Variants in LRRC9 observed in about 807,000 individuals in gnomAD.
The protein encoded by LRRC9 is leucine-rich repeat-containing protein 9.
Under a neutral mutation model 63.2 loss-of-function variants are expected in LRRC9, and 122 were observed. The ratio of observed to expected loss-of-function variants is 1.93; its 90% confidence interval spans 1.67 to 2.24. The LOEUF is 2.24. Ranked by LOEUF, LRRC9 falls within the 30% of genes most tolerant of loss-of-function variation. LRRC9 has a pLI of 0.00. For synonymous variants in LRRC9, 366 were observed against 213.1 expected (o/e 1.72, Z -6.25); for missense variants, 1,071 against 627.7 (o/e 1.71, Z -7.55).
exon 31 of LRRC9, chr14:60,057,996 A>G: frequency 1.5e-6 from 1 of 656,154 alleles, no homozygotes; most frequent in Non-Finnish European, 2.8e-6. Flanking sequence ...TTGGGATCTG[A>G]CGTCACTTTA....
At chr14:60,020,136 A>G (rs181136839) in intron 26 of LRRC9, among the ~76,000 whole-genome samples, 6 of 151,968 alleles carry the variant, frequency 3.9e-5, no homozygotes, top group African/African-American at 1.2e-4. Flanking sequence ...GCACCTGGCA[A>G]CAACCACTGA....
intron 10 of LRRC9, among the ~76,000 whole-genome samples, chr14:59,963,857 C>G (rs1884582037): frequency 6.6e-6 from 1 of 152,048 alleles, no homozygotes; most frequent in Admixed American, 6.6e-5. Context: ...TTTATTAAAC[C>G]TTTATATAGG....
In LRRC9 at chr14:59,927,087, C is replaced by G. The variant is rs1889273622; in HGVS notation, c.-33-824C>G. Among the ~76,000 whole-genome samples, 1 of 152,042 alleles carries G rather than the reference C, an allele frequency of 6.6e-6. No homozygotes were observed. Among genetic ancestry groups the G allele is most frequent in the African/African-American group, 2.4e-5 (1 of 41,410 alleles). On this transcript the variant is annotated intron_variant, in intron 1 of 31. Transcript: ENST00000445360. The surrounding 1 kb of genome is among the most constrained non-coding windows in gnomAD (Gnocchi z 4.4). ...CATCTAAGGAAACTCATATTAACAA[C>G]TTAGTATATATCTTTCCATATTTTC...
Position 60,003,733 on chromosome 14 carries a change from GTCTGGAA to G in LRRC9, c.2780_2786del (p.Leu927ProfsTer10). On this transcript the variant is annotated frameshift_variant, in exon 21 of 32. Transcript: ENST00000445360. LOFTEE classifies it high-confidence loss of function. The surrounding 1 kb of genome is among the most constrained non-coding windows in gnomAD (Gnocchi z 4.2). ...AATAATAATCTCACTAAAATGGAGGGTCTGGAATCCTGTATTAACTTGGAAGAGCTCA... is the reference window on the plus strand; with the variant it reads ...AATAATAATCTCACTAAAATGGAGGGTCCTGTATTAACTTGGAAGAGCTCA... 1 of 692,776 alleles carries G rather than the reference GTCTGGAA, an allele frequency of 1.4e-6. No individual in the cohort carries two copies. The highest frequency in any genetic ancestry group is 2.6e-6 in the Non-Finnish European group (1 of 381,666). The allele number at this position is 692,776 out of a possible 1,614,324, so 42.9% of individuals were successfully genotyped here. A position where few individuals can be genotyped will look rare whatever the true frequency, so the allele number is the denominator to read the frequency against.
intron 7 of LRRC9, among the ~76,000 whole-genome samples, chr14:59,939,553 G>T (rs1881534105): frequency 6.6e-6 from 1 of 152,066 alleles, no homozygotes. Flanking sequence ...GATGAGCCAT[G>T]TGGATGGTTC....
chr14:60,001,324 T>C (rs184004061), intron 19 of LRRC9, among the ~76,000 whole-genome samples: 107 of 152,128 alleles, frequency 7.0e-4, no homozygotes, highest in Admixed American at 1.1e-3. Context: ...GTGTTTATAA[T>C]AGCAAAAACT....
exon 17 of LRRC9, chr14:59,985,201 T>G (rs1887331086): frequency 5.8e-6 from 4 of 684,290 alleles, no homozygotes; most frequent in Non-Finnish European, 1.1e-5. Flanking sequence ...TGAATTTACC[T>G]GTTTAGATGA....
chr14:60,022,903 T>C (rs1891224012), intron 27 of LRRC9, 33 bp downstream of exon 27: 1 of 511,362 alleles, frequency 2.0e-6, no homozygotes, highest in Non-Finnish European at 3.5e-6. Flanking sequence ...TATAAGTCTT[T>C]ATTTTTAAAA....
chr14:59,968,345 T>C (rs1237398844), intron 12 of LRRC9, among the ~76,000 whole-genome samples: 1 of 152,150 alleles, frequency 6.6e-6, no homozygotes, highest in East Asian at 1.9e-4. Context: ...GTTCTGGAAA[T>C]GGATGGTGGC....
rs539068432 is a variant in LRRC9, at chr14:60,017,949, T to C, written c.3318-422T>C. On this transcript the variant is annotated intron_variant, in intron 24 of 31. Coordinates refer to ENST00000445360, the Ensembl canonical transcript of LRRC9. The surrounding 1 kb of genome is among the most constrained non-coding windows in gnomAD (Gnocchi z 4.0). ...CTTTCCTTTCCTATCCCTAACCACT[T>C]CCTGGTATTTCAGAAATGACCTACT... is the stretch of plus-strand genomic sequence containing the variant. Among the ~76,000 whole-genome samples, 63 of 152,200 alleles carry C rather than the reference T, an allele frequency of 4.1e-4. No individual in the cohort carries two copies. The highest frequency in any genetic ancestry group is 3.4e-3 in the Middle Eastern group (1 of 294).
intron 29 of LRRC9, among the ~76,000 whole-genome samples, chr14:60,050,197 T>C (rs1265175471): frequency 6.6e-6 from 1 of 152,112 alleles, no homozygotes; most frequent in Admixed American, 6.5e-5. Flanking sequence ...GGTTTCACCA[T>C]GTTGGCCAGG....
intron 9 of LRRC9, 49 bp from the exon 10 acceptor site, chr14:59,960,865 G>T: frequency 1.9e-6 from 1 of 522,492 alleles, no homozygotes; most frequent in Non-Finnish European, 3.4e-6. Flanking sequence ...TTTTAATGTT[G>T]CGATTTTTAG....
In LRRC9 at chr14:59,986,692, TTAGA is replaced by T. The variant is rs2140124491; in HGVS notation, c.2211+1473_2211+1476del. Among the ~76,000 whole-genome samples the T allele has an allele frequency of 6.6e-6, 1 of 152,344 alleles. No homozygotes were observed. Among genetic ancestry groups the T allele is most frequent in the African/African-American group, 2.4e-5 (1 of 41,586 alleles). ...TAAAGAGTAAACTCATTCAAGACAC[TTAGA>T]TAGAGAGTGAGCTTAGCCAGCTGCC... On this transcript the variant is annotated intron_variant, in intron 17 of 31. Coordinates refer to ENST00000445360, the Ensembl canonical transcript of LRRC9. The surrounding 1 kb of genome is among the most constrained non-coding windows in gnomAD (Gnocchi z 4.7).
intron 30 of LRRC9, among the ~76,000 whole-genome samples, chr14:60,056,691 A>G (rs1187544197): frequency 6.6e-6 from 1 of 152,138 alleles, no homozygotes; most frequent in African/African-American, 2.4e-5. Flanking sequence ...TAAAGGGGGT[A>G]TTTCAAATCT....
At chr14:59,992,248 G>A (rs1278415271) in intron 17 of LRRC9, among the ~76,000 whole-genome samples, 7 of 152,238 alleles carry the variant, frequency 4.6e-5, no homozygotes, top group Middle Eastern at 3.4e-3. Context: ...TGCAGCTGAG[G>A]GTCCTGACTG....
intron 17 of LRRC9, among the ~76,000 whole-genome samples, chr14:59,988,023 T>C (rs570653065): frequency 6.6e-6 from 1 of 152,314 alleles, no homozygotes; most frequent in South Asian, 2.1e-4. Context: ...ATTCAATCCA[T>C]TGTAATTTTT....
intron 7 of LRRC9, among the ~76,000 whole-genome samples, chr14:59,943,597 C>G (rs1034437474): frequency 2.0e-5 from 3 of 152,020 alleles, no homozygotes; most frequent in Non-Finnish European, 4.4e-5. Context: ...GATCCTAAAA[C>G]AAACTTTTTT....
rs1293707545 is a variant in LRRC9, at chr14:59,966,419, A to C, written c.1212-170A>C. The stretch of plus-strand genomic sequence containing the variant: ...AACCAACCTGTCTTCCAGGCAGAAC[A>C]AATGTGCAATAAATGAATAAATAAA... On this transcript the variant is annotated intron_variant, in intron 10 of 31. Coordinates refer to ENST00000445360, the Ensembl canonical transcript of LRRC9. This position sits in a 1 kb window ranked among gnomAD's most constrained non-coding sequence, Gnocchi z 4.0. Among the ~76,000 whole-genome samples, 1 of 152,252 alleles carries C rather than the reference A, an allele frequency of 6.6e-6. No individual in the cohort carries two copies. Among genetic ancestry groups the C allele is most frequent in the African/African-American group, 2.4e-5 (1 of 41,466 alleles).
At chr14:60,062,274 T>C in intron 31 of LRRC9, 95 bp downstream of exon 32, 2 of 395,710 alleles carry the variant, frequency 5.1e-6, no homozygotes, top group African/African-American at 2.1e-5. Flanking sequence ...AATATTGTTA[T>C]GTACTATTAT....
Sources: allele counts gnomAD v4.1 joint callset (sites outside exome capture counted in the v4.1 genomes callset), GRCh38; gene constraint gnomAD v4.1.1; non-coding constraint Gnocchi (gnomAD v3.1); transcripts MANE v1.5; gene names NCBI Gene and HGNC (gene_info 2026-07-23, HGNC 2026-07-21).